Variants in SAMSN1 observed in about 807,000 individuals in gnomAD.
The protein encoded by SAMSN1 is SAM domain-containing protein SAMSN-1.
A neutral mutation model predicts 42.0 loss-of-function variants in SAMSN1; 31 were observed. That is an observed-to-expected ratio of 0.74 (90% CI 0.55 to 1.00). The LOEUF (loss-of-function observed/expected upper bound fraction) is 1.00. Ranked by LOEUF, SAMSN1 falls within the 50% of genes least tolerant of loss-of-function variation. SAMSN1 has a pLI of 0.00. For synonymous variants in SAMSN1, 178 were observed against 151.9 expected, an observed-to-expected ratio of 1.17 and a Z score of -1.26; for missense variants, 464 against 439.4, an observed-to-expected ratio of 1.06 and a Z score of -0.50.
intron 2 of SAMSN1, among the ~76,000 whole-genome samples, chr21:14,570,015 G>T (rs1019877844): frequency 6.7e-6 from 1 of 149,868 alleles, no homozygotes; most frequent in Non-Finnish European, 1.5e-5. Context: ...TTGACACCTT[G>T]TCATGAGTTA....
intron 2 of SAMSN1, among the ~76,000 whole-genome samples, chr21:14,636,257 T>G (rs145126530): frequency 1.3e-5 from 2 of 152,306 alleles, no homozygotes; most frequent in African/African-American, 4.8e-5. Flanking sequence ...GCACATGTAT[T>G]ATAAGGTTGG....
At chr21:14,515,768 AATAT>A (rs1987886025) in intron 3 of SAMSN1, among the ~76,000 whole-genome samples, 1 of 152,214 alleles carries the variant, frequency 6.6e-6, no homozygotes, top group African/African-American at 2.4e-5. Context: ...TTGCATCCAG[AATAT>A]ATAAAAAACA....
At chr21:14,540,611 A>G (rs1979953828) in intron 1 of SAMSN1, among the ~76,000 whole-genome samples, 1 of 152,226 alleles carries the variant, frequency 6.6e-6, no homozygotes, top group African/African-American at 2.4e-5. Context: ...TAGAATGGCG[A>G]TCATTAAAAA....
intron 2 of SAMSN1, among the ~76,000 whole-genome samples, chr21:14,624,452 C>G (rs551791655): frequency 2.6e-5 from 4 of 152,092 alleles, no homozygotes; most frequent in African/African-American, 7.2e-5. Context: ...GATATCATCA[C>G]CAATCCCACA....
intron 6 of SAMSN1, chr21:14,598,370 G>A (rs906296665): frequency 6.6e-6 from 1 of 152,122 alleles, no homozygotes; most frequent in African/African-American, 2.4e-5. Context: ...AAAGGTTTGA[G>A]CCATCAGCTG....
At chr21:14,597,566 G>C (rs1008041748) in intron 6 of SAMSN1, among the ~76,000 whole-genome samples, 2 of 152,152 alleles carry the variant, frequency 1.3e-5, no homozygotes, top group African/African-American at 4.8e-5. Flanking sequence ...TGCTTACATA[G>C]AGCAGAGTTT....
At chr21:14,521,060 T>C in intron 2 of SAMSN1, 90 bp downstream of exon 2, 5 of 789,416 alleles carry the variant, frequency 6.3e-6, no homozygotes, top group South Asian at 5.2e-5. Flanking sequence ...TATTCATTTT[T>C]CTTATTTTAC....
intron 2 of SAMSN1, among the ~76,000 whole-genome samples, chr21:14,577,278 A>ATTT (rs1310441620): frequency 1.3e-4 from 6 of 47,588 alleles, no homozygotes; most frequent in African/African-American, 8.2e-4. Context: ...ATATATATAT[A>ATTT]TATATATTTT....
chr21:14,493,304 C>T (rs925408327), intron 7 of SAMSN1, among the ~76,000 whole-genome samples: 1 of 152,146 alleles, frequency 6.6e-6, no homozygotes, highest in Admixed American at 6.5e-5. Flanking sequence ...TTTGCTTATT[C>T]TGTTACTTTG....
At chr21:14,644,054 A>G (rs981638175) in intron 1 of SAMSN1, among the ~76,000 whole-genome samples, 1 of 152,028 alleles carries the variant, frequency 6.6e-6, no homozygotes, top group Admixed American at 6.5e-5. Flanking sequence ...CCAGGGCTGC[A>G]GCACTCTGTG....
At chr21:14,577,118 C>T (rs546148380) in intron 2 of SAMSN1, among the ~76,000 whole-genome samples, 138 of 121,182 alleles carry the variant, frequency 1.1e-3, no homozygotes, top group Middle Eastern at 5.7e-3. Flanking sequence ...TGCAGTCGTG[C>T]AATCTCGGCT....
intron 5 of SAMSN1, among the ~76,000 whole-genome samples, chr21:14,605,734 C>T (rs1000644613): frequency 1.3e-5 from 2 of 151,834 alleles, no homozygotes; most frequent in Non-Finnish European, 2.9e-5. Flanking sequence ...GAGTAGAAGG[C>T]CTTAAGAACA....
Position 14,487,110 on chromosome 21 carries a change from G to T in SAMSN1, c.920-996C>A, listed in dbSNP as rs554051240. Among the ~76,000 whole-genome samples, 180 of 152,150 alleles carry T rather than the reference G, an allele frequency of 1.2e-3. 6 individuals are homozygous for T. In the South Asian group the frequency reaches 0.037, roughly 31 times the overall value. On this transcript the variant is annotated intron_variant, in intron 7 of 7. Coordinates refer to ENST00000400566, the MANE Select transcript of SAMSN1 (RefSeq NM_022136.5). ...TCCTCTTTCCCCTTCTAACCTTGGGGCTTCACCACTGTAGGCATCTGAATA... is the reference window on the plus strand; with the variant it reads ...TCCTCTTTCCCCTTCTAACCTTGGGTCTTCACCACTGTAGGCATCTGAATA...
At position 14,582,096 on chromosome 21, in the gene SAMSN1, C is replaced by T. The variant is rs895221867; in HGVS notation, c.261+40G>A. 2.7e-6 allele frequency: 4 copies of T among 1,484,566 alleles called. No homozygotes were observed. The African/African-American group carries it at 5.6e-5, about 21-fold the overall frequency. The allele number at this position is 1,484,566 out of a possible 1,614,324, so 92.0% of individuals were successfully genotyped here. Reference sequence around the variant, plus strand: ...TGTTTCTTTCCCGACAGTACAAAACCCCAGATAAGATGACACATTTCCGTA... The same window carrying T: ...TGTTTCTTTCCCGACAGTACAAAACTCCAGATAAGATGACACATTTCCGTA... On this transcript the variant is annotated intron_variant, in intron 2 of 8. Coordinates refer to the SAMSN1 transcript ENST00000285670.
intron 3 of SAMSN1, among the ~76,000 whole-genome samples, chr21:14,512,842 T>C (rs181933958): frequency 6.6e-5 from 10 of 152,312 alleles, no homozygotes; most frequent in Admixed American, 6.5e-4. Flanking sequence ...GAATATCATA[T>C]CAATATTATT....
chr21:14,498,924 A>T (rs144336477), intron 6 of SAMSN1, among the ~76,000 whole-genome samples: 1 of 152,244 alleles, frequency 6.6e-6, no homozygotes, highest in Non-Finnish European at 1.5e-5. Context: ...TGACAGAACT[A>T]GCATTACTTT....
At chr21:14,632,980 G>A (rs1600975647) in intron 2 of SAMSN1, among the ~76,000 whole-genome samples, 2 of 152,136 alleles carry the variant, frequency 1.3e-5, no homozygotes, top group Non-Finnish European at 2.9e-5. Flanking sequence ...CTGCTAGCCC[G>A]TCTTTTGTAC....
chr21:14,647,457 T>G (rs1166828540), intron 1 of SAMSN1, among the ~76,000 whole-genome samples: 1 of 148,538 alleles, frequency 6.7e-6, no homozygotes, highest in African/African-American at 2.4e-5. Context: ...TAGGATTGAC[T>G]TGGCAATGTG....
intron 2 of SAMSN1, among the ~76,000 whole-genome samples, chr21:14,641,052 C>T (rs868436813): frequency 6.6e-6 from 1 of 151,916 alleles, no homozygotes; most frequent in African/African-American, 2.4e-5. Flanking sequence ...GCTCTTCAGC[C>T]TATTCAATTT....
Sources: gnomAD v4.1 joint callset for allele counts (sites outside exome capture counted in the v4.1 genomes callset) on GRCh38, gnomAD v4.1.1 for gene constraint, MANE v1.5 for transcripts, NCBI Gene and HGNC (gene_info 2026-07-23, HGNC 2026-07-21) for gene names.